RCBTB1: variants seen among roughly 807,000 people sequenced by gnomAD.
The protein encoded by RCBTB1 is RCC1 and BTB domain-containing protein 1.
Under a neutral mutation model 62.4 loss-of-function variants are expected in RCBTB1, and 46 were observed. The observed-to-expected ratio is 0.74, with a 90% CI of 0.58 to 0.94. The LOEUF (loss-of-function observed/expected upper bound fraction) is 0.94. RCBTB1 is among the 40% of genes least tolerant of loss of function. The probability of loss-of-function intolerance (pLI) is 0.00; values close to 1 mark genes in which losing one functional copy is unlikely to be tolerated. For synonymous variants in RCBTB1, 222 were observed against 245.8 expected, an observed-to-expected ratio of 0.90 and a Z score of 0.91; for missense variants, 565 against 654.9, an observed-to-expected ratio of 0.86 and a Z score of 1.50.
intron 1 of RCBTB1, among the ~76,000 whole-genome samples, chr13:49,585,107 G>A (rs1206349268): frequency 6.6e-6 from 1 of 152,140 alleles, no homozygotes; most frequent in Non-Finnish European, 1.5e-5. Flanking sequence ...TCAGTAAAAC[G>A]GCACCCACAG....
chr13:49,579,476 T>C (rs1170784985), intron 2 of RCBTB1, among the ~76,000 whole-genome samples: 1 of 151,960 alleles, frequency 6.6e-6, no homozygotes, highest in African/African-American at 2.4e-5. Flanking sequence ...ACAAAAAAAT[T>C]AGCCGGGCCT....
intron 9 of RCBTB1, chr13:49,546,751 TC>T (rs1960818308): frequency 6.3e-6 from 1 of 159,448 alleles, no homozygotes; most frequent in South Asian, 2.0e-4. Flanking sequence ...CCGCTGCTGA[TC>T]TGATGGGAGG....
At chr13:49,566,295 TAAATAAATAA>T (rs1963008095) in intron 4 of RCBTB1, among the ~76,000 whole-genome samples, 6 of 89,400 alleles carry the variant, frequency 6.7e-5, no homozygotes, top group African/African-American at 3.1e-4. Context: ...AATAAATAAA[TAAATAAATAA>T]AAAAGTTGCA....
chr13:49,579,770 C>A (rs1477601426), intron 2 of RCBTB1, among the ~76,000 whole-genome samples: 1 of 152,200 alleles, frequency 6.6e-6, no homozygotes, highest in Non-Finnish European at 1.5e-5. Context: ...AATACCCCCA[C>A]CTTCATTTAG....
chr13:49,571,732 G>A (rs1314789731), intron 2 of RCBTB1, among the ~76,000 whole-genome samples: 1 of 152,130 alleles, frequency 6.6e-6, no homozygotes, highest in Non-Finnish European at 1.5e-5. Context: ...AGGCAGCAGA[G>A]CGTAACTGTA....
At chr13:49,566,828 C>T in intron 3 of RCBTB1, 60 bp from the exon 4 acceptor site, 1 of 1,453,490 alleles carries the variant, frequency 6.9e-7, no homozygotes, top group Non-Finnish European at 9.4e-7. Flanking sequence ...TAAAAGCTCC[C>T]TTCTCTCCTC....
At chr13:49,549,788 A>G in intron 8 of RCBTB1, 140 bp from the exon 9 acceptor site, 1 of 1,429,164 alleles carries the variant, frequency 7.0e-7, no homozygotes, top group Non-Finnish European at 9.1e-7. Flanking sequence ...GCCAAGTCAC[A>G]GCAACAAAAG....
chr13:49,576,013 C>T (rs564403672), intron 2 of RCBTB1, among the ~76,000 whole-genome samples: 4 of 151,742 alleles, frequency 2.6e-5, no homozygotes, highest in African/African-American at 4.8e-5. Context: ...GGTGAAACCT[C>T]GTCTCTACTA....
intron 12 of RCBTB1, among the ~76,000 whole-genome samples, chr13:49,539,178 T>TA (rs35069541): frequency 0.57 from 86,149 of 150,850 alleles, 26,367 homozygotes; most frequent in Non-Finnish European, 0.68. Context: ...TTTTTTTTTT[T>TA]AAGCACACCT....
In RCBTB1 at chr13:49,545,652, G is replaced by A. The variant is rs1960729379; in HGVS notation, c.1046-789C>T. 2.0e-5 allele frequency among the ~76,000 whole-genome samples: 3 copies of A among 152,154 alleles called. No individual in the cohort carries two copies. In the South Asian group the frequency reaches 6.2e-4, roughly 32 times the overall value. On this transcript the variant is annotated intron_variant, in intron 9 of 12. Coordinates refer to ENST00000378302, the MANE Select transcript of RCBTB1 (RefSeq NM_018191.4). ...ATGAAAGAAGAAAAGAAGCAGAAAA[G>A]GGCTAATGGGGAAATTTTTTTAAAT... is the stretch of plus-strand genomic sequence containing the variant.
intron 5 of RCBTB1, 98 bp from the exon 6 acceptor site, chr13:49,555,771 A>G: frequency 1.1e-6 from 1 of 882,628 alleles, no homozygotes; most frequent in Admixed American, 2.9e-5. Context: ...CTACTTAATG[A>G]GTACTTAAGA....
At chr13:49,547,353 C>T (rs1038239382) in intron 9 of RCBTB1, among the ~76,000 whole-genome samples, 5 of 152,164 alleles carry the variant, frequency 3.3e-5, no homozygotes, top group African/African-American at 4.8e-5. Context: ...CTAAGCATGA[C>T]GTTTTAGAAA....
intron 2 of RCBTB1, among the ~76,000 whole-genome samples, chr13:49,575,879 C>T (rs1421770048): frequency 6.6e-6 from 1 of 152,178 alleles, no homozygotes; most frequent in East Asian, 1.9e-4. Flanking sequence ...TATGTACTCC[C>T]TGAATCTAAA....
intron 2 of RCBTB1, among the ~76,000 whole-genome samples, chr13:49,579,875 T>C (rs778444618): frequency 2.1e-4 from 32 of 152,210 alleles, no homozygotes; most frequent in Admixed American, 3.9e-4. Flanking sequence ...TAGAGGAAAA[T>C]GTAAGTTCCT....
intron 2 of RCBTB1, among the ~76,000 whole-genome samples, chr13:49,579,061 T>C (rs1963946028): frequency 1.3e-5 from 2 of 152,222 alleles, no homozygotes; most frequent in African/African-American, 2.4e-5. Flanking sequence ...TTCTTACATA[T>C]AATTCTGATG....
intron 2 of RCBTB1, among the ~76,000 whole-genome samples, chr13:49,579,824 C>T (rs550436437): frequency 1.7e-4 from 26 of 152,248 alleles, no homozygotes; most frequent in African/African-American, 5.8e-4. Context: ...ATTGTGCCTA[C>T]CCTTTGTTTC....
At chr13:49,536,157 C>T (rs1005243694) in intron 12 of RCBTB1, among the ~76,000 whole-genome samples, 3 of 152,130 alleles carry the variant, frequency 2.0e-5, no homozygotes, top group African/African-American at 7.2e-5. Flanking sequence ...GTTTGAACTA[C>T]TGAGGTATCT....
At position 49,557,279 on chromosome 13, in the gene RCBTB1, G is replaced by A. The variant is rs146836805; in HGVS notation, c.445-1606C>T. On this transcript the variant is annotated intron_variant, in intron 5 of 12. Transcript: ENST00000378302. Reference sequence around the variant, plus strand: ...GGGAATAGAAGGGACTATGGCAGTAGTCTAGGCAGGAAATGACAAGACTTG... The same window carrying A: ...GGGAATAGAAGGGACTATGGCAGTAATCTAGGCAGGAAATGACAAGACTTG... 6.6e-5 allele frequency among the ~76,000 whole-genome samples: 10 copies of A among 152,294 alleles called. No individual in the cohort carries two copies. In the East Asian group the frequency reaches 1.9e-3, roughly 29 times the overall value.
intron 2 of RCBTB1, among the ~76,000 whole-genome samples, chr13:49,568,192 G>A (rs1362704242): frequency 1.3e-5 from 2 of 152,086 alleles, no homozygotes; most frequent in East Asian, 1.9e-4. Context: ...ACAGTACATC[G>A]GGGAAATCAT....
Sources: allele counts gnomAD v4.1 joint callset (sites outside exome capture counted in the v4.1 genomes callset), GRCh38; gene constraint gnomAD v4.1.1; transcripts MANE v1.5; gene names NCBI Gene and HGNC (gene_info 2026-07-23, HGNC 2026-07-21).